CCNT1: variants seen among roughly 807,000 people sequenced by gnomAD.
The protein encoded by CCNT1 is cyclin-T1.
A neutral mutation model predicts 67.3 loss-of-function variants in CCNT1; 18 were observed. The ratio of observed to expected loss-of-function variants is 0.27; its 90% CI spans 0.18 to 0.40. The LOEUF is 0.40. Ranked by LOEUF, CCNT1 falls within the 10% of genes least tolerant of loss-of-function variation. The probability of loss-of-function intolerance (pLI) is 1.00; values close to 1 mark genes in which losing one functional copy is unlikely to be tolerated. For synonymous variants in CCNT1, 333 were observed against 310.3 expected (o/e 1.07, Z -0.77); for missense variants, 744 against 884.9 (o/e 0.84, Z 2.02).
Position 48,716,608 on chromosome 12 carries a change from G to A in CCNT1, c.68C>T (p.Pro23Leu), listed in dbSNP as rs748495328. The change falls in exon 1 of 9, where the codon CCA becomes CTA. Residue 23 changes from proline to leucine, a missense_variant. Pro to Leu is a moderately conservative substitution (Grantham distance 98). This residue lies in a region of CCNT1 where 38 missense variants were observed against 33.7 expected (regional missense o/e 1.13). Coordinates refer to ENST00000261900, the MANE Select transcript of CCNT1 (RefSeq NM_001240.4). ...TGGGTCCACGCCAAAACGACGGGATGGGCTATTTTCCAGCTGTTCTCGAGT... is the reference window on the plus strand; with the variant it reads ...TGGGTCCACGCCAAAACGACGGGATAGGCTATTTTCCAGCTGTTCTCGAGT... ...YFTREQLENSPSRRFGVDPDK... is the reference protein window; with the variant it reads ...YFTREQLENSLSRRFGVDPDK... 6.8e-6 allele frequency: 11 copies of A among 1,614,084 alleles called. No individual in the cohort carries two copies. The highest frequency in any genetic ancestry group is 1.1e-5 in the South Asian group (1 of 91,088).
chr12:48,698,459 T>C (rs907414400), intron 5 of CCNT1, among the ~76,000 whole-genome samples: 1 of 152,192 alleles, frequency 6.6e-6, no homozygotes, highest in Non-Finnish European at 1.5e-5. Flanking sequence ...CTTGTTTAAA[T>C]GCAATTCTTG....
chr12:48,698,089 T>G (rs375014348), intron 6 of CCNT1, 49 bp downstream of exon 6: 4 of 1,252,160 alleles, frequency 3.2e-6, no homozygotes, highest in South Asian at 1.5e-5. Context: ...CAAACTCAAG[T>G]AAAGTCCTAT....
Position 48,690,017 on chromosome 12 carries a change from C to T in CCNT1, c.*3016G>A, listed in dbSNP as rs773859630. 6.6e-6 allele frequency: 1 copy of T among 152,186 alleles called. No homozygotes were observed. The highest frequency in any genetic ancestry group is 1.5e-5 in the Non-Finnish European group (1 of 68,046). The allele number at this position is 152,186 out of a possible 1,614,324, so 9.4% of individuals were successfully genotyped here. A position where few individuals can be genotyped will look rare whatever the true frequency, so the allele number is the denominator to read the frequency against. On this transcript the variant is annotated 3_prime_UTR_variant, in exon 9 of 9. Transcript: ENST00000261900. ...GGAAGAAAAAAGAAGTTGAGGCTCTCTGATATGGACATACACTGATTCATG... is the reference window on the plus strand; with the variant it reads ...GGAAGAAAAAAGAAGTTGAGGCTCTTTGATATGGACATACACTGATTCATG...
intron 4 of CCNT1, 38 bp downstream of exon 4, chr12:48,700,975 A>G: frequency 8.1e-7 from 1 of 1,233,436 alleles, no homozygotes; most frequent in South Asian, 1.3e-5. Context: ...ATTTTATTGC[A>G]TAATTTAAAA....
intron 4 of CCNT1, among the ~76,000 whole-genome samples, chr12:48,700,083 G>A (rs1359110642): frequency 6.6e-6 from 1 of 152,060 alleles, no homozygotes; most frequent in Non-Finnish European, 1.5e-5. Context: ...ACTTTGGGAG[G>A]CCGAGGCGAG....
At chr12:48,716,468 C>T in intron 1 of CCNT1, 47 bp downstream of exon 1, 1 of 1,535,274 alleles carries the variant, frequency 6.5e-7, no homozygotes, top group Non-Finnish European at 8.8e-7. Context: ...GACGCCAGAG[C>T]ATGGCGGGAC....
chr12:48,698,206 AGGGGTG>A, intron 5 of CCNT1, 23 bp from the exon 6 acceptor site: 1 of 1,334,416 alleles, frequency 7.5e-7, no homozygotes, highest in Non-Finnish European at 1.0e-6. Context: ...AAAAAAAGTC[AGGGGTG>A]GGGGAGGAAA....
At chr12:48,697,534 A>ATATATATAT (rs1555157838) in intron 6 of CCNT1, among the ~76,000 whole-genome samples, 10 of 130,704 alleles carry the variant, frequency 7.7e-5, no homozygotes, top group African/African-American at 2.7e-4. Context: ...AAAAAAAAAA[A>ATATATATAT]ATATATATAT....
At chr12:48,707,671 ATAAT>A (rs1166019506) in intron 2 of CCNT1, among the ~76,000 whole-genome samples, 2 of 147,042 alleles carry the variant, frequency 1.4e-5, no homozygotes, top group African/African-American at 2.7e-5. Flanking sequence ...TGTACCCATG[ATAAT>A]TAATAAAAAT....
intron 5 of CCNT1, among the ~76,000 whole-genome samples, chr12:48,698,864 G>A (rs540979983): frequency 7.2e-5 from 11 of 152,040 alleles, no homozygotes; most frequent in Admixed American, 4.6e-4. Flanking sequence ...ACTGAGGCAG[G>A]AGAATCGCTT....
chr12:48,705,815 G>A lies in CCNT1; in HGVS notation c.325C>T (p.His109Tyr). Residue 109 changes from histidine to tyrosine, a missense_variant, in exon 3 of 9, where the codon CAT (histidine) becomes TAT (tyrosine). By Grantham distance (83) the His-to-Tyr change is moderately conservative (BLOSUM62 2). Transcript: ENST00000261900. ...GATTCCTGAGGATGGAGACAAGTAT[G>A]TGCTACCTTGATGACATGTTCCAAT... is the stretch of plus-strand genomic sequence containing the variant. The part of the protein sequence containing the change: ...KKLEHVIKVA[H>Y]TCLHPQESLP... The A allele has an allele frequency of 6.2e-7, 1 of 1,613,394 alleles. No individual in the cohort carries two copies. The highest frequency in any genetic ancestry group is 8.5e-7 in the Non-Finnish European group (1 of 1,179,458).
At chr12:48,697,558 T>TATATATGC (rs970173887) in intron 6 of CCNT1, among the ~76,000 whole-genome samples, 13 of 137,816 alleles carry the variant, frequency 9.4e-5, no homozygotes, top group Admixed American at 3.7e-4. Flanking sequence ...TATATATATA[T>TATATATGC]GCCTGTAATC....
At chr12:48,712,134 G>A (rs1940460971) in intron 2 of CCNT1, among the ~76,000 whole-genome samples, 2 of 152,010 alleles carry the variant, frequency 1.3e-5, no homozygotes, top group Non-Finnish European at 2.9e-5. Context: ...AGTTTCCTGT[G>A]CAGTTACTCC....
intron 2 of CCNT1, among the ~76,000 whole-genome samples, chr12:48,706,359 T>C (rs1186366806): frequency 6.6e-6 from 1 of 152,212 alleles, no homozygotes; most frequent in Non-Finnish European, 1.5e-5. Context: ...GTTCTGCAAT[T>C]AGACTGTGCT....
At position 48,692,867 on chromosome 12, in the gene CCNT1, T is replaced by C. The variant is rs1336312915; in HGVS notation, c.*166A>G. On this transcript the variant is annotated 3_prime_UTR_variant, in exon 9 of 9. Coordinates refer to ENST00000261900, the MANE Select transcript of CCNT1 (RefSeq NM_001240.4). ...ATAGTTAAATGCATGAGACAGCAGATATATAGCCAAGGCCTTCTACCACCC... is the reference window on the plus strand; with the variant it reads ...ATAGTTAAATGCATGAGACAGCAGACATATAGCCAAGGCCTTCTACCACCC... 2.2e-5 allele frequency: 13 copies of C among 581,466 alleles called. No individual in the cohort carries two copies. Among genetic ancestry groups the C allele is most frequent in the Admixed American group, 2.1e-4 (7 of 33,562 alleles). 36.0% of individuals were successfully genotyped at this position (581,466 alleles called of 1,614,324 possible). A position where few individuals can be genotyped will look rare whatever the true frequency, so the allele number is the denominator to read the frequency against.
Position 48,695,842 on chromosome 12 carries a change from C to A in CCNT1, c.707-13G>T, listed in dbSNP as rs752355158. 1 of 1,598,134 alleles carries A rather than the reference C, an allele frequency of 6.3e-7. No homozygotes were observed. The highest frequency in any genetic ancestry group is 1.1e-5 in the South Asian group (1 of 90,604). ...TCATGTGTCAGTTCTACAAGTAAAACAGAACATTCAAGAAAGACTGAGAGA... is the reference window on the plus strand; with the variant it reads ...TCATGTGTCAGTTCTACAAGTAAAAAAGAACATTCAAGAAAGACTGAGAGA... On this transcript the variant is annotated splice_polypyrimidine_tract_variant and intron_variant, in intron 7 of 8. Coordinates refer to ENST00000261900, the MANE Select transcript of CCNT1 (RefSeq NM_001240.4).
At chr12:48,702,305 G>C (rs763117068) in intron 3 of CCNT1, among the ~76,000 whole-genome samples, 28 of 152,198 alleles carry the variant, frequency 1.8e-4, no homozygotes, top group Non-Finnish European at 3.1e-4. Flanking sequence ...TTCCCCTTTG[G>C]GGCCATGTTA....
intron 2 of CCNT1, among the ~76,000 whole-genome samples, chr12:48,706,695 A>C (rs1041667090): frequency 6.6e-6 from 1 of 152,228 alleles, no homozygotes; most frequent in African/African-American, 2.4e-5. Context: ...AGTAATGCTA[A>C]GAGCTGTATT....
chr12:48,693,807 T>A lies in CCNT1; in HGVS notation c.1407A>T (p.Gly469=). 1.9e-6 allele frequency: 3 copies of A among 1,612,762 alleles called. No individual in the cohort carries two copies. Among genetic ancestry groups the A allele is most frequent in the Non-Finnish European group, 2.5e-6 (3 of 1,179,788 alleles). Residue 469 remains glycine (G), a synonymous_variant, in exon 9 of 9, where the codon GGA becomes GGT. Coordinates refer to ENST00000261900, the MANE Select transcript of CCNT1 (RefSeq NM_001240.4). ...CTGGTTTTGAAGACGCAGCTTTATC[T>A]CCACCTGCCACTGGGATTCTCATTT... ...ALKMRIPVAG[G]DKAASSKPEE...
Sources: allele counts gnomAD v4.1 joint callset (sites outside exome capture counted in the v4.1 genomes callset), GRCh38; gene constraint gnomAD v4.1.1; regional missense constraint gnomAD v4.1.1; transcripts MANE v1.5; gene names NCBI Gene and HGNC (gene_info 2026-07-23, HGNC 2026-07-21).